Variants in DIAPH2 observed in about 807,000 individuals in gnomAD.
DIAPH2 encodes the protein protein diaphanous homolog 2.
Under a neutral mutation model 92.7 loss-of-function variants are expected in DIAPH2, and 35 were observed. The observed-to-expected ratio is 0.38, with a 90% CI of 0.29 to 0.50. DIAPH2 has a LOEUF of 0.50. Ranked by LOEUF, DIAPH2 falls within the 20% of genes least tolerant of loss-of-function variation. The pLI, the probability that DIAPH2 is intolerant of heterozygous loss-of-function variation, is 0.94. For missense variants in DIAPH2, 701 were observed against 819.5 expected, an observed-to-expected ratio of 0.86 and a Z score of 1.77; for synonymous variants, 301 against 280.4, an observed-to-expected ratio of 1.07 and a Z score of -0.73.
At chrX:96,938,651 A>G (rs1407633214) in intron 11 of DIAPH2, among the ~76,000 whole-genome samples, 1 of 111,954 alleles carries the variant, frequency 8.9e-6, no homozygotes, top group African/African-American at 3.2e-5. Context: ...ACAAAAATGG[A>G]TCCATTTGTG....
At chrX:96,732,749 C>G (rs2064063555) in intron 1 of DIAPH2, among the ~76,000 whole-genome samples, 1 of 111,904 alleles carries the variant, frequency 8.9e-6, no homozygotes, top group African/African-American at 3.2e-5. Flanking sequence ...TTATTTTTGA[C>G]CAGGGGTCCA....
chrX:97,476,984 T>TATATACAC (rs1280074551), intron 26 of DIAPH2, among the ~76,000 whole-genome samples: 8 of 57,092 alleles, frequency 1.4e-4, no homozygotes, highest in Admixed American at 2.4e-4. Flanking sequence ...TATATATATA[T>TATATACAC]ACACACACAC....
intron 26 of DIAPH2, among the ~76,000 whole-genome samples, chrX:97,538,135 C>T (rs774803046): frequency 7.2e-5 from 8 of 110,768 alleles, no homozygotes; most frequent in Admixed American, 2.9e-4. Context: ...CTGCCCGCCT[C>T]GGCCTCCCAA....
intron 26 of DIAPH2, among the ~76,000 whole-genome samples, chrX:97,470,460 T>G (rs1379835045): frequency 9.0e-6 from 1 of 111,442 alleles, no homozygotes; most frequent in East Asian, 2.8e-4. Flanking sequence ...TGTTCCTATG[T>G]GGGATCACAG....
chrX:96,815,999 A>AC (rs1029267631), intron 4 of DIAPH2, among the ~76,000 whole-genome samples: 1 of 109,856 alleles, frequency 9.1e-6, no homozygotes, highest in African/African-American at 3.3e-5. Flanking sequence ...TTTCTCTCTC[A>AC]CCCCATCACC....
At chrX:97,322,498 A>T (rs1421806065) in intron 23 of DIAPH2, among the ~76,000 whole-genome samples, 1 of 111,491 alleles carries the variant, frequency 9.0e-6, no homozygotes, top group Non-Finnish European at 1.9e-5. Context: ...TTTTATAACC[A>T]TTCATCTCTG....
chrX:97,064,334 T>C (rs1322688945), intron 17 of DIAPH2, among the ~76,000 whole-genome samples: 1 of 111,406 alleles, frequency 9.0e-6, no homozygotes, highest in African/African-American at 3.3e-5. Context: ...CTTTGGATTC[T>C]TCCTCTTGCC....
At chrX:97,230,557 G>A (rs1363486855) in intron 22 of DIAPH2, among the ~76,000 whole-genome samples, 2 of 111,771 alleles carry the variant, frequency 1.8e-5, no homozygotes, top group African/African-American at 6.5e-5. Context: ...CCATTTGTAT[G>A]TTTTGTTTTG....
chrX:96,738,506 G>A (rs1000066458), intron 2 of DIAPH2, 80 bp from the exon 3 acceptor site: 30 of 832,500 alleles, frequency 3.6e-5, no homozygotes, highest in African/African-American at 3.5e-4. Flanking sequence ...ACTAAGTGCC[G>A]TTTTGATGTT....
chrX:96,962,128 C>T (rs1422430028), intron 16 of DIAPH2, among the ~76,000 whole-genome samples: 1 of 104,667 alleles, frequency 9.6e-6, no homozygotes, highest in African/African-American at 3.5e-5. Flanking sequence ...TGTTGAAGTC[C>T]CCAACTATTA....
At chrX:96,764,302 G>A (rs2064288372) in intron 4 of DIAPH2, among the ~76,000 whole-genome samples, 1 of 110,748 alleles carries the variant, frequency 9.0e-6, no homozygotes, top group Non-Finnish European at 1.9e-5. Context: ...CTGGTGTTTG[G>A]CTAGGGAGGA....
intron 4 of DIAPH2, among the ~76,000 whole-genome samples, chrX:96,841,544 A>C (rs907217003): frequency 1.8e-5 from 2 of 111,729 alleles, no homozygotes; most frequent in Admixed American, 9.6e-5. Flanking sequence ...TCTAAAAATA[A>C]ATCTAATCAT....
chrX:96,761,790 C>T (rs1425857003), intron 4 of DIAPH2, among the ~76,000 whole-genome samples: 2 of 110,722 alleles, frequency 1.8e-5, no homozygotes, highest in South Asian at 7.7e-4. Context: ...AATACGACCT[C>T]TGTCTTTTCG....
chrX:96,962,340 T>TATATATATACACATATATATATAC lies in DIAPH2; in HGVS notation c.1936-2744_1936-2743insCACATATATATATACATATATATA, dbSNP rs1569436477. ...ATATATATACACATATATATATACA[T>TATATATATACACATATATATATAC]ATATATATATACACATATATATATA... On this transcript the variant is annotated intron_variant, in intron 16 of 26. Transcript: ENST00000324765. Among the ~76,000 whole-genome samples, 144 of 39,478 alleles carry TATATATATACACATATATATATAC rather than the reference T, an allele frequency of 3.6e-3. 3 individuals carry two copies. Among genetic ancestry groups the TATATATATACACATATATATATAC allele is most frequent in the African/African-American group, 0.012 (125 of 10,068 alleles). 34.3% of individuals were successfully genotyped at this position (39,478 alleles called of 115,157 possible).
chrX:97,077,348 A>G (rs776788799), intron 19 of DIAPH2, among the ~76,000 whole-genome samples: 92 of 112,460 alleles, frequency 8.2e-4, no homozygotes, highest in Non-Finnish European at 1.5e-3. Context: ...TCAATTTGCC[A>G]TTCATTTGAG....
chrX:96,859,293 G>A (rs1295774075), intron 4 of DIAPH2, among the ~76,000 whole-genome samples: 1 of 110,145 alleles, frequency 9.1e-6, no homozygotes, highest in East Asian at 2.8e-4. Flanking sequence ...TAAATACGAA[G>A]ACAGTGCAAT....
chrX:97,147,109 A>G (rs770510063), intron 22 of DIAPH2, among the ~76,000 whole-genome samples: 8 of 111,583 alleles, frequency 7.2e-5, no homozygotes, highest in Non-Finnish European at 1.3e-4. Context: ...CCTTTTAAAC[A>G]TTGTCATAGG....
chrX:96,882,754 C>T (rs1254297886), intron 5 of DIAPH2, among the ~76,000 whole-genome samples: 1 of 108,944 alleles, frequency 9.2e-6, no homozygotes, highest in Admixed American at 9.8e-5. Context: ...TCCAGGAGTT[C>T]GAGACCAGCC....
In DIAPH2 at chrX:97,159,133, G is replaced by A. The variant is rs144197025; in HGVS notation, c.2719+17339G>A. Among the ~76,000 whole-genome samples the A allele has an allele frequency of 6.7e-4, 75 of 111,715 alleles. No homozygotes were observed. The East Asian group carries it at 0.018, about 26-fold the overall frequency. On this transcript the variant is annotated intron_variant, in intron 22 of 26. Coordinates refer to ENST00000324765, the MANE Select transcript of DIAPH2 (RefSeq NM_006729.5). ...TATTATAGTCAGTGTTGTTCATGCT[G>A]CTATAGTTAAGGTTGTCAGCATTTC...
Sources: gnomAD v4.1 joint callset for allele counts (sites outside exome capture counted in the v4.1 genomes callset) on GRCh38, gnomAD v4.1.1 for gene constraint, MANE v1.5 for transcripts, NCBI Gene and HGNC (gene_info 2026-07-23, HGNC 2026-07-21) for gene names.